TFDP2: variants seen among roughly 807,000 people sequenced by gnomAD.
TFDP2 encodes the protein transcription factor Dp-2 (E2F dimerization partner 2).
Under a neutral mutation model 59.3 loss-of-function variants are expected in TFDP2, and 17 were observed. The ratio of observed to expected loss-of-function variants is 0.29; its 90% confidence interval spans 0.20 to 0.43. The LOEUF is 0.43. Ranked by LOEUF, TFDP2 falls within the 20% of genes least tolerant of loss-of-function variation. TFDP2 has a pLI of 1.00. For missense variants in TFDP2, 391 were observed against 528.8 expected (o/e 0.74, Z 2.56); for synonymous variants, 180 against 194.7 (o/e 0.92, Z 0.63).
chr3:142,073,509 G>C (rs2060333464), intron 3 of TFDP2, among the ~76,000 whole-genome samples: 1 of 109,366 alleles, frequency 9.1e-6, no homozygotes, highest in Admixed American at 1.4e-4. Flanking sequence ...ACTAAGGGCA[G>C]TTTCATATAA....
intron 4 of TFDP2, among the ~76,000 whole-genome samples, chr3:142,001,721 G>A (rs532808009): frequency 2.2e-4 from 33 of 152,104 alleles, no homozygotes; most frequent in Non-Finnish European, 4.0e-4. Context: ...AAACAGCCAA[G>A]AGAAGCCATG....
chr3:142,141,818 G>C (rs1222309639), intron 1 of TFDP2, among the ~76,000 whole-genome samples: 1 of 151,022 alleles, frequency 6.6e-6, no homozygotes, highest in Admixed American at 6.6e-5. Flanking sequence ...GCAAGACTCT[G>C]TCTCAAGAAA....
At chr3:142,102,918 G>A (rs2061357180) in intron 1 of TFDP2, among the ~76,000 whole-genome samples, 3 of 152,146 alleles carry the variant, frequency 2.0e-5, no homozygotes, top group Non-Finnish European at 4.4e-5. Flanking sequence ...GCAAAGAAAG[G>A]CTGAGAAACT....
rs1344345812 is a variant in TFDP2 at position 142,097,712 on chromosome 3, T to G, written c.15+4023A>C. 2.0e-5 allele frequency among the ~76,000 whole-genome samples: 3 copies of G among 152,016 alleles called. No individual in the cohort carries two copies. The East Asian group carries it at 5.8e-4, about 29-fold the overall frequency. Reference sequence around the variant, plus strand: ...ACTAAACTAAACTAAAATAGACACTTAAAATGATGTTCCAGAGATATCAAG... The same window carrying G: ...ACTAAACTAAACTAAAATAGACACTGAAAATGATGTTCCAGAGATATCAAG... On this transcript the variant is annotated intron_variant, in intron 2 of 12. Coordinates refer to ENST00000489671, the MANE Select transcript of TFDP2 (RefSeq NM_001178139.2).
At chr3:141,967,994 G>C (rs762616185) in intron 9 of TFDP2, among the ~76,000 whole-genome samples, 1 of 151,700 alleles carries the variant, frequency 6.6e-6, no homozygotes, top group Non-Finnish European at 1.5e-5. Context: ...AATGTTCCAT[G>C]GTTTTGAAGA....
chr3:142,112,689 A>AT (rs954913662), intron 1 of TFDP2, among the ~76,000 whole-genome samples: 6 of 151,818 alleles, frequency 4.0e-5, no homozygotes, highest in African/African-American at 1.2e-4. Flanking sequence ...TGGCAAATTG[A>AT]TTTTTTTTTA....
At chr3:141,990,363 C>T (rs1233720917) in intron 6 of TFDP2, among the ~76,000 whole-genome samples, 1 of 151,930 alleles carries the variant, frequency 6.6e-6, no homozygotes, top group Non-Finnish European at 1.5e-5. Flanking sequence ...CAGCCTCTGC[C>T]TCCCGGGTTC....
At chr3:142,104,231 T>G (rs1015725369) in intron 1 of TFDP2, among the ~76,000 whole-genome samples, 9 of 152,226 alleles carry the variant, frequency 5.9e-5, no homozygotes, top group African/African-American at 2.2e-4. Context: ...TATCAATTAT[T>G]TCTTACGTCC....
intron 3 of TFDP2, among the ~76,000 whole-genome samples, chr3:142,061,555 C>T (rs1377874028): frequency 6.6e-6 from 1 of 151,780 alleles, no homozygotes; most frequent in African/African-American, 2.4e-5. Context: ...TGTTGAGGGC[C>T]CAAAGAGAAC....
chr3:142,075,906 C>CAAAAAAAAAAAAAAA (rs60581045), intron 3 of TFDP2, among the ~76,000 whole-genome samples: 43 of 80,692 alleles, frequency 5.3e-4, no homozygotes, highest in African/African-American at 2.2e-3. Flanking sequence ...GAACCTGCCT[C>CAAAAAAAAAAAAAAA]AAAAAAAAAA....
chr3:141,974,907 C>CTTTTTTTTTTTTTTTTTTT (rs753702830), intron 7 of TFDP2, among the ~76,000 whole-genome samples: 7 of 90,500 alleles, frequency 7.7e-5, no homozygotes, highest in African/African-American at 2.3e-4. Flanking sequence ...TCTTCTTCTT[C>CTTTTTTTTTTTTTTTTTTT]TTTTTTTTTT....
At chr3:142,058,249 C>T (rs1171632513) in intron 3 of TFDP2, among the ~76,000 whole-genome samples, 1 of 152,014 alleles carries the variant, frequency 6.6e-6, no homozygotes, top group Admixed American at 6.6e-5. Context: ...AAAATCTACA[C>T]CATCTTTGAA....
In TFDP2 at chr3:141,952,902, A is replaced by C; in HGVS notation, c.1157+9T>G. On this transcript the variant is annotated intron_variant, in intron 12 of 12. Coordinates refer to ENST00000489671, the MANE Select transcript of TFDP2 (RefSeq NM_001178139.2). ...GGTTTGCCTTTCTAACCCTGAAAAA[A>C]ATACGTACCTTGACTGGGGTAAGGT... The C allele has an allele frequency of 1.2e-6, 2 of 1,613,422 alleles. No individual in the cohort carries two copies. The highest frequency in any genetic ancestry group is 1.7e-6 in the Non-Finnish European group (2 of 1,179,342).
chr3:141,987,602 G>GTA (rs1373559248), intron 6 of TFDP2, among the ~76,000 whole-genome samples: 2 of 149,082 alleles, frequency 1.3e-5, no homozygotes, highest in African/African-American at 2.5e-5. Flanking sequence ...GTGTGTGTGT[G>GTA]TATGCGTGCG....
In TFDP2 at chr3:142,121,950, G is replaced by A. The variant is rs534579089; in HGVS notation, c.-92-20109C>T. 4.6e-5 allele frequency among the ~76,000 whole-genome samples: 7 copies of A among 152,270 alleles called. No homozygotes were observed. The highest frequency in any genetic ancestry group is 1.4e-4 in the African/African-American group (6 of 41,548). On this transcript the variant is annotated intron_variant, in intron 1 of 12. Coordinates refer to ENST00000489671, the MANE Select transcript of TFDP2 (RefSeq NM_001178139.2). The surrounding 1 kb of genome is among the most constrained non-coding windows in gnomAD (Gnocchi z 4.3). Reference sequence around the variant, plus strand: ...AAACACCTATCAGTTACAGCCACCTGTCTATTAAGACCTCAGAGAACAAGT... The same window carrying A: ...AAACACCTATCAGTTACAGCCACCTATCTATTAAGACCTCAGAGAACAAGT...
At chr3:142,052,446 G>C (rs1182363143) in intron 3 of TFDP2, among the ~76,000 whole-genome samples, 3 of 152,002 alleles carry the variant, frequency 2.0e-5, no homozygotes, top group Admixed American at 2.0e-4. Flanking sequence ...TCAGGAGGCT[G>C]AGGCAGGAGA....
chr3:142,036,293 T>C (rs1468471695), intron 3 of TFDP2, among the ~76,000 whole-genome samples: 1 of 152,192 alleles, frequency 6.6e-6, no homozygotes, highest in Non-Finnish European at 1.5e-5. Flanking sequence ...GAATGGTCCA[T>C]GACTTTACTG....
chr3:141,946,410 G>C lies in TFDP2; in HGVS notation c.*6103C>G, dbSNP rs1008981752. On this transcript the variant is annotated 3_prime_UTR_variant, in exon 13 of 13. Coordinates refer to ENST00000489671, the MANE Select transcript of TFDP2 (RefSeq NM_001178139.2). ...AACAGGCCTTTTTTGTAAAGCAAAAGGTAAGATGACAAGATCCGGTCTTGT... is the reference window on the plus strand; with the variant it reads ...AACAGGCCTTTTTTGTAAAGCAAAACGTAAGATGACAAGATCCGGTCTTGT... 1.3e-5 allele frequency: 2 copies of C among 152,238 alleles called. No individual in the cohort carries two copies. The highest frequency in any genetic ancestry group is 2.9e-5 in the Non-Finnish European group (2 of 68,042). 9.4% of individuals were successfully genotyped at this position (152,238 alleles called of 1,614,324 possible).
chr3:141,994,987 G>T, intron 5 of TFDP2, 33 bp downstream of exon 5: 1 of 1,496,264 alleles, frequency 6.7e-7, no homozygotes, highest in Non-Finnish European at 8.9e-7. Context: ...CTTTTTTTAA[G>T]GTTTTAAAAA....
Sources: gnomAD v4.1 joint callset for allele counts (sites outside exome capture counted in the v4.1 genomes callset) on GRCh38, gnomAD v4.1.1 for gene constraint, Gnocchi (gnomAD v3.1) non-coding constraint, MANE v1.5 for transcripts, NCBI Gene and HGNC (gene_info 2026-07-23, HGNC 2026-07-21) for gene names.